The following NBAS variants were observed in gnomAD, a reference collection of about 807,000 sequenced individuals.
The protein encoded by NBAS is NAG/BC035112 fusion.
In NBAS, 219 loss-of-function variants were observed where a neutral mutation model predicts 302.5. The ratio of observed to expected loss-of-function variants is 0.72; its 90% CI spans 0.65 to 0.81. The LOEUF (loss-of-function observed/expected upper bound fraction) is 0.81. Ranked by LOEUF, NBAS falls within the 30% of genes least tolerant of loss-of-function variation. The pLI, the probability that NBAS is intolerant of heterozygous loss-of-function variation, is 0.00. For missense variants in NBAS, 2,932 were observed against 2,841.6 expected (o/e 1.03, Z -0.72); for synonymous variants, 1,118 against 1,021.6 (o/e 1.09, Z -1.80).
chr2:15,229,352 A>C (rs1015831495), intron 47 of NBAS, among the ~76,000 whole-genome samples: 153 of 143,932 alleles, frequency 1.1e-3, no homozygotes, highest in East Asian at 2.8e-3. Flanking sequence ...AAAAACAAAA[A>C]AAAAAAAAAA....
chr2:15,388,813 CA>C (rs776834748), intron 28 of NBAS, among the ~76,000 whole-genome samples: 1 of 151,942 alleles, frequency 6.6e-6, no homozygotes, highest in Non-Finnish European at 1.5e-5. Flanking sequence ...TGAGAATGAA[CA>C]AACTAATGTT....
chr2:14,949,333 G>A, the NBAS span, among the ~76,000 whole-genome samples: 231 of 152,176 alleles, frequency 1.5e-3, no homozygotes, highest in African/African-American at 4.7e-3. Flanking sequence ...TTTGCAGACT[G>A]CCCACGTGAT....
At chr2:15,536,356 T>C in intron 8 of NBAS, 62 bp downstream of exon 8, 1 of 1,523,718 alleles carries the variant, frequency 6.6e-7, no homozygotes, top group South Asian at 1.2e-5. Flanking sequence ...AATATCAAAA[T>C]CTGACATTAA....
At chr2:15,039,591 T>C in the NBAS span, among the ~76,000 whole-genome samples, 1 of 152,302 alleles carries the variant, frequency 6.6e-6, no homozygotes, top group South Asian at 2.1e-4. Flanking sequence ...ATAAGCATTT[T>C]GGGGGAGCTA....
chr2:15,219,824 C>T (rs1180790114), intron 47 of NBAS, among the ~76,000 whole-genome samples: 3 of 144,290 alleles, frequency 2.1e-5, no homozygotes, highest in African/African-American at 7.7e-5. Flanking sequence ...TGGCCCATCC[C>T]CAATGAGCCG....
the NBAS span, among the ~76,000 whole-genome samples, chr2:14,817,045 G>A: frequency 6.6e-6 from 1 of 152,298 alleles, no homozygotes; most frequent in East Asian, 1.9e-4. Flanking sequence ...GGAGAGAAGA[G>A]AGGATTTGCT....
chr2:15,100,770 A>G, the NBAS span, among the ~76,000 whole-genome samples: 1 of 152,164 alleles, frequency 6.6e-6, no homozygotes, highest in African/African-American at 2.4e-5. Flanking sequence ...TCATGTATCG[A>G]AGAGCATTTT....
chr2:14,976,321 T>C, the NBAS span, among the ~76,000 whole-genome samples: 2 of 152,150 alleles, frequency 1.3e-5, no homozygotes, highest in South Asian at 2.1e-4. Flanking sequence ...GGTACCATAG[T>C]GGAGGGAGCA....
chr2:15,310,542 C>A (rs964300573), intron 38 of NBAS, among the ~76,000 whole-genome samples: 3 of 152,136 alleles, frequency 2.0e-5, no homozygotes, highest in African/African-American at 7.2e-5. Context: ...AATTAGAATC[C>A]TTTCAAGAAT....
chr2:14,846,300 T>C, the NBAS span, among the ~76,000 whole-genome samples: 25 of 152,254 alleles, frequency 1.6e-4, no homozygotes, highest in South Asian at 4.3e-3. Context: ...AAACCTATTA[T>C]ATACTTTTAC....
At chr2:14,990,339 G>T in the NBAS span, among the ~76,000 whole-genome samples, 2 of 151,074 alleles carry the variant, frequency 1.3e-5, no homozygotes, top group Non-Finnish European at 2.9e-5. Context: ...CAGGAGAATC[G>T]ATTGAACCTG....
chr2:15,363,107 T>C (rs867362527), intron 32 of NBAS, among the ~76,000 whole-genome samples: 13 of 152,106 alleles, frequency 8.5e-5, no homozygotes, highest in African/African-American at 3.1e-4. Flanking sequence ...GAGCTGGTGG[T>C]TGGGGAGAGA....
chr2:14,813,221 A>C, the NBAS span, among the ~76,000 whole-genome samples: 3 of 152,210 alleles, frequency 2.0e-5, no homozygotes, highest in Non-Finnish European at 2.9e-5. Context: ...AGATACCTGA[A>C]AATGTGGAAG....
intron 46 of NBAS, 60 bp from the exon 47 acceptor site, chr2:15,232,571 TG>T: frequency 6.7e-7 from 1 of 1,497,480 alleles, no homozygotes; most frequent in Non-Finnish European, 9.2e-7. Context: ...GAAATAAACT[TG>T]GTATTCACAC....
At chr2:15,007,461 T>C in the NBAS span, among the ~76,000 whole-genome samples, 2 of 152,378 alleles carry the variant, frequency 1.3e-5, no homozygotes, top group East Asian at 3.9e-4. Flanking sequence ...TTTAAACTTA[T>C]GCTGTTTATT....
chr2:15,319,407 C>T (rs992551382), intron 38 of NBAS, among the ~76,000 whole-genome samples: 4 of 151,766 alleles, frequency 2.6e-5, no homozygotes, highest in Admixed American at 6.6e-5. Flanking sequence ...CAGAGCAGAA[C>T]TGAAGGAGAT....
At chr2:15,476,704 G>T (rs186579027) in intron 13 of NBAS, among the ~76,000 whole-genome samples, 14 of 152,164 alleles carry the variant, frequency 9.2e-5, no homozygotes, top group African/African-American at 3.4e-4. Context: ...GACAGAGCGA[G>T]ACTCTGTCCA....
At chr2:15,389,351 T>C (rs917227481) in intron 28 of NBAS, among the ~76,000 whole-genome samples, 6 of 152,204 alleles carry the variant, frequency 3.9e-5, no homozygotes, top group African/African-American at 1.4e-4. Flanking sequence ...CAACTTACAC[T>C]CTAATCTTAG....
the NBAS span, among the ~76,000 whole-genome samples, chr2:15,129,014 G>A: frequency 0.012 from 1,778 of 152,304 alleles, 13 homozygotes; most frequent in Non-Finnish European, 0.017. Flanking sequence ...GGGGCTGGGC[G>A]GGCCCTGAGT....
Sources: allele counts gnomAD v4.1 joint callset (sites outside exome capture counted in the v4.1 genomes callset), GRCh38; gene constraint gnomAD v4.1.1; transcripts MANE v1.5; gene names NCBI Gene and HGNC (gene_info 2026-07-23, HGNC 2026-07-21).